Variants in CSTF2T observed in about 807,000 individuals in gnomAD.
CSTF2T encodes the protein cleavage stimulation factor subunit 2 tau variant.
A neutral mutation model predicts 39.9 loss-of-function variants in CSTF2T; 18 were observed. That is an observed-to-expected ratio of 0.45 (90% CI 0.31 to 0.67). The LOEUF is 0.67. Among genes scored for constraint, CSTF2T ranks in the 30% least tolerant of loss-of-function variants. The pLI is 0.06. For synonymous variants in CSTF2T, 291 were observed against 276.4 expected, an observed-to-expected ratio of 1.05 and a Z score of -0.52; for missense variants, 681 against 789.0, an observed-to-expected ratio of 0.86 and a Z score of 1.64.
rs1481254578 is a variant in CSTF2T at position 51,697,038 on chromosome 10, T to C, written c.*661A>G. Reference sequence around the variant, plus strand: ...TTGGGGCCTGGCAGAACCTTGCTGGTCTCTGAAGGATGGGATAAATGAAGC... The same window carrying C: ...TTGGGGCCTGGCAGAACCTTGCTGGCCTCTGAAGGATGGGATAAATGAAGC... On this transcript the variant is annotated 3_prime_UTR_variant, in exon 1 of 1. Transcript: ENST00000331173. 6.6e-6 allele frequency: 1 copy of C among 152,252 alleles called. No homozygotes were observed. The highest frequency in any genetic ancestry group is 2.4e-5 in the African/African-American group (1 of 41,456). The allele number at this position is 152,252 out of a possible 1,614,324, so 9.4% of individuals were successfully genotyped here. A position where few individuals can be genotyped will look rare whatever the true frequency, so the allele number is the denominator to read the frequency against.
rs758806447 is a variant in CSTF2T at position 51,698,272 on chromosome 10, C to T, written c.1278G>A (p.Glu426=). Residue 426 remains glutamate (E), a synonymous_variant, in exon 1 of 1, where the codon GAG becomes GAA. Coordinates refer to ENST00000331173, the MANE Select transcript of CSTF2T (RefSeq NM_015235.3). ...RAMETRAMET[E]VLETRVMERR... ...TCTCCATTACACGTGTCTCTAAGAC[C>T]TCAGTTTCCATGGCACGAGTCTCCA... The T allele has an allele frequency of 6.2e-6, 10 of 1,614,050 alleles. No individual in the cohort carries two copies. In the East Asian group the frequency reaches 2.2e-4, roughly 36 times the overall value.
Position 51,697,507 on chromosome 10 carries a change from C to A in CSTF2T, c.*192G>T. On this transcript the variant is annotated 3_prime_UTR_variant, in exon 1 of 1. Coordinates refer to ENST00000331173, the MANE Select transcript of CSTF2T (RefSeq NM_015235.3). ...TAACTTAAAGTGAACAGACGCACTC[C>A]CTCCTCCCCCCACCCTCAATTAAAA... is the stretch of plus-strand genomic sequence containing the variant. The A allele has an allele frequency of 1.7e-6, 1 of 604,956 alleles. No individual in the cohort carries two copies. Among genetic ancestry groups the A allele is most frequent in the Non-Finnish European group, 2.9e-6 (1 of 349,966 alleles). The allele number at this position is 604,956 out of a possible 1,614,324, so 37.5% of individuals were successfully genotyped here.
In CSTF2T at chr10:51,698,682, G is replaced by A. The variant is rs750664294; in HGVS notation, c.868C>T (p.Leu290Phe). The A allele has an allele frequency of 6.2e-7, 1 of 1,614,210 alleles. No individual in the cohort carries two copies. Among genetic ancestry groups the A allele is most frequent in the South Asian group, 1.1e-5 (1 of 91,084 alleles). ...ACTGGGCCAACCCCTGGCATTCCAA[G>A]TTGGGGCTGCATTGCTCCTCCAGGA... ...LTPGGAMQPQ[L>F]GMPGVGPVPL... is the part of the protein sequence containing the mutation. The change falls in exon 1 of 1, where the codon CTT (leucine) becomes TTT (phenylalanine). Residue 290 changes from leucine to phenylalanine, a missense_variant. Leu to Phe is a conservative substitution (Grantham distance 22, BLOSUM62 0). This residue lies in a region of CSTF2T where 329 missense variants were observed against 344.1 expected (regional missense o/e 0.96). Transcript: ENST00000331173.
chr10:51,695,529 A>C lies in CSTF2T; in HGVS notation c.*2170T>G, dbSNP rs1841265954. 1 of 152,252 alleles carries C rather than the reference A, an allele frequency of 6.6e-6. No individual in the cohort carries two copies. Among genetic ancestry groups the C allele is most frequent in the African/African-American group, 2.4e-5 (1 of 41,472 alleles). 9.4% of individuals were successfully genotyped at this position (152,252 alleles called of 1,614,324 possible). ...TTATTTTCTGCATGAAACAATGCAGAGATTTGACTAAAGACTAACATTTAA... is the reference window on the plus strand; with the variant it reads ...TTATTTTCTGCATGAAACAATGCAGCGATTTGACTAAAGACTAACATTTAA... On this transcript the variant is annotated 3_prime_UTR_variant, in exon 1 of 1. Coordinates refer to ENST00000331173, the MANE Select transcript of CSTF2T (RefSeq NM_015235.3).
Position 51,696,868 on chromosome 10 carries a change from T to C in CSTF2T, c.*831A>G, listed in dbSNP as rs1841307099. 6.6e-6 allele frequency: 1 copy of C among 151,840 alleles called. No individual in the cohort carries two copies. The highest frequency in any genetic ancestry group is 1.5e-5 in the Non-Finnish European group (1 of 67,960). The allele number at this position is 151,840 out of a possible 1,614,324, so 9.4% of individuals were successfully genotyped here. On this transcript the variant is annotated 3_prime_UTR_variant, in exon 1 of 1. Transcript: ENST00000331173. The stretch of plus-strand genomic sequence containing the variant: ...CCTAGACACTGATTTTTGGGAAGGA[T>C]TTTTAGAGAATTACTGACTCAGATT...
Position 51,698,026 on chromosome 10 carries a change from C to A in CSTF2T, c.1524G>T (p.Met508Ile). 1 of 1,614,052 alleles carries A rather than the reference C, an allele frequency of 6.2e-7. No homozygotes were observed. The highest frequency in any genetic ancestry group is 8.5e-7 in the Non-Finnish European group (1 of 1,179,978). Residue 508 changes from methionine to isoleucine, a missense_variant, in exon 1 of 1, where the codon ATG (methionine) becomes ATT (isoleucine). Around this residue, in one of 4 missense-constraint regions of CSTF2T, gnomAD observed 282 missense variants for 289.2 expected, o/e 0.98. Transcript: ENST00000331173. Reference sequence around the variant, plus strand: ...CTGTTCCTTGTATGCCTGTACCCTGCATACCAGCTCCAGGATTCCCCACCC... The same window carrying A: ...CTGTTCCTTGTATGCCTGTACCCTGAATACCAGCTCCAGGATTCCCCACCC... Reference protein sequence around the residue: ...ISGVGNPGAGMQGTGIQGTGM... With the variant: ...ISGVGNPGAGIQGTGIQGTGM...
In CSTF2T at chr10:51,698,180, C is replaced by A; in HGVS notation, c.1370G>T (p.Gly457Val). 1 of 1,614,170 alleles carries A rather than the reference C, an allele frequency of 6.2e-7. No individual in the cohort carries two copies. Among genetic ancestry groups the A allele is most frequent in the Middle Eastern group, 1.6e-4 (1 of 6,062 alleles). ...GGGGACAGGGCCCCTCATCTCCAAT[C>A]CTCTTGCATCCATGCCCCTTGCTTC... Reference protein sequence around the residue: ...GMEARGMDARGLEMRGPVPSS... With the variant: ...GMEARGMDARVLEMRGPVPSS... Residue 457 changes from glycine (G) to valine (V), a missense_variant, in exon 1 of 1, where the codon GGA (glycine) becomes GTA (valine). Gly to Val is a moderately radical substitution (Grantham distance 109). Coordinates refer to ENST00000331173, the MANE Select transcript of CSTF2T (RefSeq NM_015235.3).
chr10:51,696,243 G>C lies in CSTF2T; in HGVS notation c.*1456C>G, dbSNP rs1202130537. ...GATTATGAAATAAGAAAACTAAAAG[G>C]CATGTTAAATGCTCTTTAAAGGTTT... On this transcript the variant is annotated 3_prime_UTR_variant, in exon 1 of 1. Transcript: ENST00000331173. 5 of 145,620 alleles carry C rather than the reference G, an allele frequency of 3.4e-5. No homozygotes were observed. Among genetic ancestry groups the C allele is most frequent in the African/African-American group, 8.1e-5 (3 of 36,828 alleles). 9.0% of individuals were successfully genotyped at this position (145,620 alleles called of 1,614,324 possible).
Position 51,696,560 on chromosome 10 carries a change from G to C in CSTF2T, c.*1139C>G, listed in dbSNP as rs1400109531. On this transcript the variant is annotated 3_prime_UTR_variant, in exon 1 of 1. Transcript: ENST00000331173. Reference sequence around the variant, plus strand: ...CCTGGTTGATTTTAGATTTGTCACAGCAAAATCATGCTTGGATGCTCGAGG... The same window carrying C: ...CCTGGTTGATTTTAGATTTGTCACACCAAAATCATGCTTGGATGCTCGAGG... The C allele has an allele frequency of 1.3e-5, 2 of 152,128 alleles. No homozygotes were observed. The highest frequency in any genetic ancestry group is 1.3e-4 in the Admixed American group (2 of 15,282). 9.4% of individuals were successfully genotyped at this position (152,128 alleles called of 1,614,324 possible). A position where few individuals can be genotyped will look rare whatever the true frequency, so the allele number is the denominator to read the frequency against.
chr10:51,697,682 A>AT lies in CSTF2T; in HGVS notation c.*16dup. The AT allele has an allele frequency of 6.2e-7, 1 of 1,612,234 alleles. No homozygotes were observed. Among genetic ancestry groups the AT allele is most frequent in the Non-Finnish European group, 8.5e-7 (1 of 1,179,196 alleles). ...GAATAAAATTTGAGACTACAGCCAA[A>AT]TATTTTCTAAAACCTTTCAAGACGC... On this transcript the variant is annotated 3_prime_UTR_variant, in exon 1 of 1. Coordinates refer to ENST00000331173, the MANE Select transcript of CSTF2T (RefSeq NM_015235.3).
rs1343412476 is a variant in CSTF2T, at chr10:51,699,171, A to C, written c.379T>G (p.Ser127Ala). ...DPIDPEDAPE[S>A]ITRAVASLPP... ...AGACTGGCTACTGCTCTGGTAATCG[A>C]TTCAGGGGCATCTTCTGGATCGATG... Residue 127 changes from serine to alanine, a missense_variant, in exon 1 of 1, where the codon TCG becomes GCG. By Grantham distance (99) the Ser-to-Ala change is moderately conservative. Transcript: ENST00000331173. 1.9e-6 allele frequency: 3 copies of C among 1,614,112 alleles called. No homozygotes were observed. Among genetic ancestry groups the C allele is most frequent in the Non-Finnish European group, 2.5e-6 (3 of 1,180,022 alleles).
chr10:51,698,687 G>GGCT lies in CSTF2T; in HGVS notation c.860_862dup (p.Gln287dup). 1 of 1,614,192 alleles carries GGCT rather than the reference G, an allele frequency of 6.2e-7. No homozygotes were observed. Among genetic ancestry groups the GGCT allele is most frequent in the Non-Finnish European group, 8.5e-7 (1 of 1,180,042 alleles). On this transcript the variant is annotated inframe_insertion, in exon 1 of 1. Transcript: ENST00000331173. ...GCCAACCCCTGGCATTCCAAGTTGG[G>GGCT]GCTGCATTGCTCCTCCAGGAGTTAA...
Position 51,699,176 on chromosome 10 carries a change from G to C in CSTF2T, c.374C>G (p.Pro125Arg). Residue 125 changes from proline to arginine, a missense_variant, in exon 1 of 1, where the codon CCT becomes CGT. Around this residue, in one of 4 missense-constraint regions of CSTF2T, gnomAD observed 329 missense variants for 344.1 expected, o/e 0.96. Coordinates refer to ENST00000331173, the MANE Select transcript of CSTF2T (RefSeq NM_015235.3). ...GGCTACTGCTCTGGTAATCGATTCA[G>C]GGGCATCTTCTGGATCGATGGGATC... Reference protein sequence around the residue: ...YGDPIDPEDAPESITRAVASL... With the variant: ...YGDPIDPEDARESITRAVASL... 1 of 1,614,162 alleles carries C rather than the reference G, an allele frequency of 6.2e-7. No homozygotes were observed. Among genetic ancestry groups the C allele is most frequent in the South Asian group, 1.1e-5 (1 of 91,082 alleles).
Position 51,699,226 on chromosome 10 carries a change from C to A in CSTF2T, c.324G>T (p.Ala108=). ...KEELKSLGPA[A]PIIDSPYGDP... ...CCCCATAGGGTGAGTCAATAATGGG[C>A]GCTGCAGGCCCAAGGCTCTTTAACT... The change falls in exon 1 of 1, where the codon GCG becomes GCT. Residue 108 remains alanine (A), a synonymous_variant. Transcript: ENST00000331173. 1 of 1,614,074 alleles carries A rather than the reference C, an allele frequency of 6.2e-7. No individual in the cohort carries two copies. Among genetic ancestry groups the A allele is most frequent in the African/African-American group, 1.3e-5 (1 of 75,022 alleles).
chr10:51,698,580 G>C lies in CSTF2T; in HGVS notation c.970C>G (p.Leu324Val). Residue 324 changes from leucine (L) to valine (V), a missense_variant, in exon 1 of 1, where the codon CTG becomes GTG. Around this residue, in one of 4 missense-constraint regions of CSTF2T, gnomAD observed 329 missense variants for 344.1 expected, o/e 0.96. Transcript: ENST00000331173. The part of the protein sequence containing the change: ...IPRGPVTPGG[L>V]PPRGLLGDAP... ...TCTCCTAACAGTCCTCGAGGAGGCA[G>C]ACCACCAGGAGTCACGGGTCCGCGA... The C allele has an allele frequency of 6.2e-7, 1 of 1,613,888 alleles. No homozygotes were observed. Among genetic ancestry groups the C allele is most frequent in the Non-Finnish European group, 8.5e-7 (1 of 1,180,028 alleles).
In CSTF2T at chr10:51,698,910, C is replaced by T. The variant is rs1564612275; in HGVS notation, c.640G>A (p.Gly214Ser). The change falls in exon 1 of 1, where the codon GGC becomes AGC. Residue 214 changes from glycine to serine, a missense_variant. Gly to Ser is a moderately conservative substitution (Grantham distance 56). Transcript: ENST00000331173. ...KSQSVSVSGP[G>S]PGPGPGLCPG... ...CAGAGCCCAGGGCCAGGGCCAGGGCCAGGGCCAGAGACAGACACAGACTGA... is the reference window on the plus strand; with the variant it reads ...CAGAGCCCAGGGCCAGGGCCAGGGCTAGGGCCAGAGACAGACACAGACTGA... 6.2e-7 allele frequency: 1 copy of T among 1,614,126 alleles called. No homozygotes were observed.
rs1841295286 is a variant in CSTF2T at position 51,696,445 on chromosome 10, A to G, written c.*1254T>C. The stretch of plus-strand genomic sequence containing the variant: ...TGATTTTTGGGAAGGATGTAAGAGA[A>G]TTACTGACTCAGATTTAGGGTTTAA... On this transcript the variant is annotated 3_prime_UTR_variant, in exon 1 of 1. Coordinates refer to ENST00000331173, the MANE Select transcript of CSTF2T (RefSeq NM_015235.3). 6.6e-6 allele frequency: 1 copy of G among 152,034 alleles called. No homozygotes were observed. Among genetic ancestry groups the G allele is most frequent in the Admixed American group, 6.6e-5 (1 of 15,254 alleles). 9.4% of individuals were successfully genotyped at this position (152,034 alleles called of 1,614,324 possible). A position where few individuals can be genotyped will look rare whatever the true frequency, so the allele number is the denominator to read the frequency against.
Position 51,699,355 on chromosome 10 carries a change from T to C in CSTF2T, c.195A>G (p.Gln65=). Residue 65 remains glutamine, a synonymous_variant, in exon 1 of 1, where the codon CAA becomes CAG. Transcript: ENST00000331173. Reference sequence around the variant, plus strand: ...TGGCACTAAGCGCGGTCTCCTGGTCTTGGTATTCGCAGAAGCCATAGCCCT... The same window carrying C: ...TGGCACTAAGCGCGGTCTCCTGGTCCTGGTATTCGCAGAAGCCATAGCCCT... ...KPKGYGFCEY[Q]DQETALSAMR... The C allele has an allele frequency of 6.2e-7, 1 of 1,614,100 alleles. No individual in the cohort carries two copies. Among genetic ancestry groups the C allele is most frequent in the Non-Finnish European group, 8.5e-7 (1 of 1,179,996 alleles).
rs996517803 is a variant in CSTF2T at position 51,697,433 on chromosome 10, T to C, written c.*266A>G. On this transcript the variant is annotated 3_prime_UTR_variant, in exon 1 of 1. Coordinates refer to ENST00000331173, the MANE Select transcript of CSTF2T (RefSeq NM_015235.3). ...ATGCTTCAATATTGCTGCTTATTCTTTGTAATCTTATTTGGCATAATATAA... is the reference window on the plus strand; with the variant it reads ...ATGCTTCAATATTGCTGCTTATTCTCTGTAATCTTATTTGGCATAATATAA... 4.4e-6 allele frequency: 2 copies of C among 456,686 alleles called. No individual in the cohort carries two copies. Among genetic ancestry groups the C allele is most frequent in the Non-Finnish European group, 7.8e-6 (2 of 257,560 alleles). The allele number at this position is 456,686 out of a possible 1,614,324, so 28.3% of individuals were successfully genotyped here.
Sources: gnomAD v4.1 joint callset for allele counts on GRCh38, gnomAD v4.1.1 for gene constraint, gnomAD v4.1.1 regional missense constraint, MANE v1.5 for transcripts, NCBI Gene and HGNC (gene_info 2026-07-23, HGNC 2026-07-21) for gene names.